The following GALNTL6 variants were observed in gnomAD, a reference collection of about 807,000 sequenced individuals.
GALNTL6 encodes the protein polypeptide N-acetylgalactosaminyltransferase-like 6.
A neutral mutation model predicts 73.7 loss-of-function variants in GALNTL6; 46 were observed. The observed-to-expected ratio is 0.62, with a 90% CI of 0.49 to 0.80. The LOEUF (loss-of-function observed/expected upper bound fraction) is 0.80. Among genes scored for constraint, GALNTL6 ranks in the 30% least tolerant of loss-of-function variants. GALNTL6 has a pLI of 0.00. For synonymous variants in GALNTL6, 259 were observed against 263.7 expected (o/e 0.98, Z 0.17); for missense variants, 604 against 755.0 (o/e 0.80, Z 2.34).
At chr4:172,343,886 A>C (rs1578976745) in intron 4 of GALNTL6, among the ~76,000 whole-genome samples, 1 of 152,196 alleles carries the variant, frequency 6.6e-6, no homozygotes, top group East Asian at 1.9e-4. Context: ...GGTGCTTTTA[A>C]AATTTGAAGA....
chr4:172,175,021 C>G lies in GALNTL6; in HGVS notation c.139-54635C>G, dbSNP rs147097663. 7.8e-3 allele frequency among the ~76,000 whole-genome samples: 1,194 copies of G among 152,154 alleles called. 14 individuals are homozygous for G. The highest frequency in any genetic ancestry group is 0.027 in the African/African-American group (1,139 of 41,510). ...ATACTTAACATGCACTGCATATACCCTAAGAGAGTGCAAACTGGCATTGAT... is the reference window on the plus strand; with the variant it reads ...ATACTTAACATGCACTGCATATACCGTAAGAGAGTGCAAACTGGCATTGAT... On this transcript the variant is annotated intron_variant, in intron 2 of 12. Transcript: ENST00000506823.
chr4:171,867,277 T>A (rs1274472251), intron 2 of GALNTL6, among the ~76,000 whole-genome samples: 1 of 152,186 alleles, frequency 6.6e-6, no homozygotes, highest in African/African-American at 2.4e-5. Flanking sequence ...AATTCAATGT[T>A]TCCCAATTCA....
At chr4:172,751,278 G>C (rs766197179) in intron 5 of GALNTL6, among the ~76,000 whole-genome samples, 4 of 152,128 alleles carry the variant, frequency 2.6e-5, no homozygotes, top group Non-Finnish European at 5.9e-5. Context: ...ATAAAAAAAA[G>C]AATTGTGATT....
chr4:172,145,001 A>G (rs529650052), intron 2 of GALNTL6, among the ~76,000 whole-genome samples: 1 of 152,274 alleles, frequency 6.6e-6, no homozygotes, highest in South Asian at 2.1e-4. Context: ...TCTGTCACCC[A>G]GGCTGGAGTA....
chr4:172,224,757 G>A (rs1736794446), intron 2 of GALNTL6, among the ~76,000 whole-genome samples: 2 of 152,016 alleles, frequency 1.3e-5, no homozygotes, highest in South Asian at 4.2e-4. Context: ...GTCCCCAAAA[G>A]GTGCTTGTGT....
intron 5 of GALNTL6, among the ~76,000 whole-genome samples, chr4:172,356,407 G>T (rs774879285): frequency 6.6e-6 from 1 of 152,106 alleles, no homozygotes; most frequent in Middle Eastern, 3.4e-3. Flanking sequence ...TCTTTTTGAT[G>T]TCTAAATATC....
At chr4:172,524,139 C>T (rs1162975716) in intron 5 of GALNTL6, among the ~76,000 whole-genome samples, 1 of 152,198 alleles carries the variant, frequency 6.6e-6, no homozygotes, top group South Asian at 2.1e-4. Context: ...GTTCAGTAAA[C>T]ATTCTATTCT....
At chr4:172,993,992 C>A (rs945833554) in intron 10 of GALNTL6, among the ~76,000 whole-genome samples, 3 of 152,170 alleles carry the variant, frequency 2.0e-5, no homozygotes, top group African/African-American at 7.2e-5. Context: ...GACCAAACCC[C>A]AACCCGTTCA....
At chr4:172,432,548 G>A (rs1168093990) in intron 5 of GALNTL6, among the ~76,000 whole-genome samples, 1 of 151,944 alleles carries the variant, frequency 6.6e-6, no homozygotes, top group African/African-American at 2.4e-5. Flanking sequence ...TCCAAATTAA[G>A]TCCCAAGGAT....
intron 2 of GALNTL6, among the ~76,000 whole-genome samples, chr4:172,081,882 T>C: frequency 6.6e-6 from 1 of 151,352 alleles, no homozygotes. Flanking sequence ...ATTCCTTTTT[T>C]TTTTTTTAAA....
chr4:172,366,757 G>C (rs907997020), intron 5 of GALNTL6, among the ~76,000 whole-genome samples: 1 of 152,148 alleles, frequency 6.6e-6, no homozygotes, highest in African/African-American at 2.4e-5. Context: ...AGACATGTCT[G>C]TCTGGTTACA....
intron 5 of GALNTL6, chr4:172,668,572 G>A (rs1731797287): frequency 6.6e-6 from 1 of 152,110 alleles, no homozygotes; most frequent in Non-Finnish European, 1.5e-5. Context: ...CAGACCTGTG[G>A]TGCCTAATGA....
At chr4:171,854,207 C>T (rs1232817811) in intron 2 of GALNTL6, among the ~76,000 whole-genome samples, 1 of 152,168 alleles carries the variant, frequency 6.6e-6, no homozygotes, top group Non-Finnish European at 1.5e-5. Context: ...TTCCCAGATA[C>T]CAGTGTCTGG....
At chr4:171,948,931 C>A (rs2088738305) in intron 2 of GALNTL6, among the ~76,000 whole-genome samples, 2 of 150,232 alleles carry the variant, frequency 1.3e-5, no homozygotes, top group African/African-American at 4.9e-5. Context: ...GTCTTTTCAA[C>A]AGTATGACAG....
intron 8 of GALNTL6, among the ~76,000 whole-genome samples, chr4:172,884,774 T>C (rs1242486748): frequency 4.6e-5 from 7 of 152,216 alleles, no homozygotes. Flanking sequence ...AAGTCTTTAA[T>C]CTATTTTCAG....
chr4:172,853,495 T>C (rs1195602178), intron 7 of GALNTL6, among the ~76,000 whole-genome samples: 1 of 152,180 alleles, frequency 6.6e-6, no homozygotes, highest in Non-Finnish European at 1.5e-5. Flanking sequence ...GTCTTTAAGG[T>C]TCCACCTTCA....
chr4:172,564,287 T>C (rs1472371), intron 5 of GALNTL6, among the ~76,000 whole-genome samples: 68,449 of 152,034 alleles, frequency 0.45, 17,628 homozygotes, highest in East Asian at 0.67. Context: ...AGTCCAATCA[T>C]GTTGAGAAGA....
intron 5 of GALNTL6, among the ~76,000 whole-genome samples, chr4:172,552,929 C>T (rs988785371): frequency 1.4e-5 from 2 of 147,436 alleles, no homozygotes; most frequent in African/African-American, 5.0e-5. Context: ...AGTACCTTTT[C>T]TCTCAAGTTG....
chr4:172,184,089 C>T lies in GALNTL6; in HGVS notation c.139-45567C>T, dbSNP rs547279445. ...ACAGGCATGAGCCACCGCATCCGGC[C>T]GCAGACTATTTTTTAATGCTGTTTG... On this transcript the variant is annotated intron_variant, in intron 2 of 12. Transcript: ENST00000506823. Among the ~76,000 whole-genome samples the T allele has an allele frequency of 5.9e-5, 9 of 152,264 alleles. No homozygotes were observed. The East Asian group carries it at 7.7e-4, about 13-fold the overall frequency.
Sources: allele counts gnomAD v4.1 joint callset (sites outside exome capture counted in the v4.1 genomes callset), GRCh38; gene constraint gnomAD v4.1.1; transcripts MANE v1.5; gene names NCBI Gene and HGNC (gene_info 2026-07-23, HGNC 2026-07-21).